Variants in IMMP2L observed in about 807,000 individuals in gnomAD.
IMMP2L encodes the protein inner mitochondrial membrane peptidase subunit 2, also known as mitochondrial inner membrane protease subunit 2.
A neutral mutation model predicts 19.3 loss-of-function variants in IMMP2L; 18 were observed. The observed-to-expected ratio is 0.93, with a 90% CI of 0.64 to 1.38. IMMP2L has a LOEUF of 1.38. Ranked by LOEUF, IMMP2L falls within the 40% of genes most tolerant of loss-of-function variation. IMMP2L has a pLI of 0.00. For missense variants in IMMP2L, 233 were observed against 218.2 expected (o/e 1.07, Z -0.43); for synonymous variants, 76 against 73.0 (o/e 1.04, Z -0.21).
chr7:110,732,173 T>G (rs1796314028), intron 5 of IMMP2L, among the ~76,000 whole-genome samples: 1 of 151,912 alleles, frequency 6.6e-6, no homozygotes, highest in South Asian at 2.1e-4. Flanking sequence ...AAGGGGGTAG[T>G]GGGTAGAGAG....
At chr7:110,882,358 T>C (rs1563050992) in intron 5 of IMMP2L, among the ~76,000 whole-genome samples, 1 of 129,858 alleles carries the variant, frequency 7.7e-6, no homozygotes, top group Non-Finnish European at 1.6e-5. Context: ...CCTCTCTCCC[T>C]CTCTCTCTCT....
intron 5 of IMMP2L, among the ~76,000 whole-genome samples, chr7:110,689,371 T>G (rs1273216037): frequency 6.6e-6 from 1 of 152,168 alleles, no homozygotes; most frequent in Non-Finnish European, 1.5e-5. Context: ...TTTTTTATTC[T>G]ATTCTCCATA....
chr7:110,783,919 C>T (rs1799901823), intron 5 of IMMP2L, among the ~76,000 whole-genome samples: 1 of 151,748 alleles, frequency 6.6e-6, no homozygotes, highest in Non-Finnish European at 1.5e-5. Context: ...TTGGTCCCTC[C>T]ATAAAAAGAC....
chr7:110,757,651 C>T lies in IMMP2L; in HGVS notation c.409-93930G>A, dbSNP rs1380318841. On this transcript the variant is annotated intron_variant, in intron 5 of 5. Transcript: ENST00000405709. This position sits in a 1 kb window ranked among gnomAD's most constrained non-coding sequence, Gnocchi z 4.2. ...CCGGGTTCTATAAGTGCTCCCAGCC[C>T]TTGTCCAGCAGTGGTAACAGCTCTG... 6.6e-6 allele frequency among the ~76,000 whole-genome samples: 1 copy of T among 152,132 alleles called. No homozygotes were observed. Among genetic ancestry groups the T allele is most frequent in the African/African-American group, 2.4e-5 (1 of 41,442 alleles).
intron 1 of IMMP2L, among the ~76,000 whole-genome samples, chr7:111,539,249 A>G (rs1052145928): frequency 1.4e-5 from 2 of 145,886 alleles, no homozygotes; most frequent in African/African-American, 2.6e-5. Flanking sequence ...AAAGAAAGAA[A>G]GAAAGAAAGA....
intron 5 of IMMP2L, among the ~76,000 whole-genome samples, chr7:110,698,601 T>G (rs1249435025): frequency 1.3e-5 from 2 of 152,160 alleles, no homozygotes; most frequent in Non-Finnish European, 2.9e-5. Context: ...GAAACTGACA[T>G]ATAAACTTTA....
At chr7:110,916,118 AAAAAGAATT>A (rs1813589700) in intron 4 of IMMP2L, among the ~76,000 whole-genome samples, 1 of 152,232 alleles carries the variant, frequency 6.6e-6, no homozygotes, top group Non-Finnish European at 1.5e-5. Context: ...TACAAAAAAT[AAAAAGAATT>A]AAAAGAATTA....
At chr7:110,949,395 T>C (rs1159998267) in intron 4 of IMMP2L, among the ~76,000 whole-genome samples, 1 of 152,154 alleles carries the variant, frequency 6.6e-6, no homozygotes, top group Non-Finnish European at 1.5e-5. Context: ...AACTAACAAA[T>C]CCATGGCTTT....
intron 3 of IMMP2L, among the ~76,000 whole-genome samples, chr7:111,407,144 T>TA (rs1341548183): frequency 6.6e-6 from 1 of 151,850 alleles, no homozygotes; most frequent in Non-Finnish European, 1.5e-5. Context: ...TCAAAAAAGA[T>TA]AAAAAATAAC....
At chr7:111,214,113 A>G (rs1260331061) in intron 3 of IMMP2L, among the ~76,000 whole-genome samples, 2 of 152,032 alleles carry the variant, frequency 1.3e-5, no homozygotes, top group East Asian at 3.8e-4. Context: ...AAACTTCATC[A>G]TCTGTTCCCT....
intron 1 of IMMP2L, among the ~76,000 whole-genome samples, chr7:111,535,665 G>A (rs1414462106): frequency 6.6e-6 from 1 of 152,060 alleles, no homozygotes; most frequent in Non-Finnish European, 1.5e-5. Flanking sequence ...GCGGTATTTG[G>A]GCTGGGAAGT....
At position 110,803,490 on chromosome 7, in the gene IMMP2L, C is replaced by T. The variant is rs2131226044; in HGVS notation, c.408+83103G>A. ...TATAGAGAGTAGGAATCAATGGGAT[C>T]AATGTGTACACAGGGAGAAGGAGAA... On this transcript the variant is annotated intron_variant, in intron 5 of 5. Transcript: ENST00000405709. The surrounding 1 kb of genome is among the most constrained non-coding windows in gnomAD (Gnocchi z 4.2). Among the ~76,000 whole-genome samples the T allele has an allele frequency of 6.6e-6, 1 of 152,120 alleles. No individual in the cohort carries two copies. Among genetic ancestry groups the T allele is most frequent in the Non-Finnish European group, 1.5e-5 (1 of 67,978 alleles).
intron 5 of IMMP2L, among the ~76,000 whole-genome samples, chr7:110,820,673 A>C (rs1184636510): frequency 6.6e-6 from 1 of 152,004 alleles, no homozygotes; most frequent in Non-Finnish European, 1.5e-5. Context: ...TCAATAAAGG[A>C]GAATATCTGC....
intron 3 of IMMP2L, among the ~76,000 whole-genome samples, chr7:111,250,529 C>T (rs150156244): frequency 6.1e-4 from 93 of 152,218 alleles, no homozygotes; most frequent in Admixed American, 4.4e-3. Context: ...GTAACCAAAA[C>T]GGCATGATAC....
intron 5 of IMMP2L, among the ~76,000 whole-genome samples, chr7:110,818,226 C>G (rs932724528): frequency 6.6e-6 from 1 of 151,982 alleles, no homozygotes; most frequent in African/African-American, 2.4e-5. Flanking sequence ...TGACAAAGGG[C>G]TAATATCCAG....
intron 3 of IMMP2L, among the ~76,000 whole-genome samples, chr7:111,268,044 A>G (rs1369204335): frequency 6.6e-6 from 1 of 152,268 alleles, no homozygotes. Flanking sequence ...CACAAAACAA[A>G]CAGAGGAAGC....
intron 3 of IMMP2L, among the ~76,000 whole-genome samples, chr7:111,008,863 T>C (rs995926816): frequency 1.1e-4 from 16 of 152,060 alleles, no homozygotes; most frequent in Non-Finnish European, 1.0e-4. Flanking sequence ...AAAGAATGAA[T>C]TAGGTATTTC....
chr7:111,449,842 G>A (rs944065906), intron 3 of IMMP2L, among the ~76,000 whole-genome samples: 1 of 122,436 alleles, frequency 8.2e-6, no homozygotes, highest in Non-Finnish European at 1.6e-5. Context: ...TCCTTAAGCT[G>A]ATAAGCAACT....
At chr7:110,927,972 A>G (rs772693490) in intron 4 of IMMP2L, among the ~76,000 whole-genome samples, 1 of 151,872 alleles carries the variant, frequency 6.6e-6, no homozygotes, top group Non-Finnish European at 1.5e-5. Context: ...TTTTTTCTTG[A>G]TATGTTTCCT....
Sources: allele counts gnomAD v4.1 joint callset (sites outside exome capture counted in the v4.1 genomes callset), GRCh38; gene constraint gnomAD v4.1.1; non-coding constraint Gnocchi (gnomAD v3.1); transcripts MANE v1.5; gene names NCBI Gene and HGNC (gene_info 2026-07-23, HGNC 2026-07-21).